Variants in UBE2D3 observed in about 807,000 individuals in gnomAD.
UBE2D3 encodes ubiquitin conjugating enzyme E2 D3.
A neutral mutation model predicts 22.8 loss-of-function variants in UBE2D3; 2 were observed. That is an observed-to-expected ratio of 0.09 (90% confidence interval 0.04 to 0.28). The LOEUF (loss-of-function observed/expected upper bound fraction) is 0.28, where lower values mean the gene tolerates loss of function less well. UBE2D3 is among the 10% of genes least tolerant of loss of function. The pLI, the probability that UBE2D3 is intolerant of heterozygous loss-of-function variation, is 1.00. For missense variants in UBE2D3, 27 were observed against 182.5 expected (o/e 0.15, Z 4.91); for synonymous variants, 56 against 60.4 (o/e 0.93, Z 0.34).
intron 4 of UBE2D3, among the ~76,000 whole-genome samples, chr4:102,806,240 A>G (rs1415263345): frequency 6.6e-6 from 1 of 152,154 alleles, no homozygotes; most frequent in Non-Finnish European, 1.5e-5. Flanking sequence ...TGCACATAAA[A>G]TATTATATGG....
intron 2 of UBE2D3, chr4:102,811,023 A>G (rs1727906986): frequency 6.6e-6 from 1 of 152,012 alleles, no homozygotes; most frequent in Admixed American, 6.6e-5. Context: ...ACACGGAAAT[A>G]ACACAGAAGG....
chr4:102,808,050 C>T lies in UBE2D3; in HGVS notation c.120+1622G>A, dbSNP rs553720367. ...ATCAAAGATGAGCTTTATTTTAAGG[C>T]ATTTTATAGCATTCTTTGAAAACTG... On this transcript the variant is annotated intron_variant, in intron 4 of 7. Transcript: ENST00000453744. 2.0e-4 allele frequency among the ~76,000 whole-genome samples: 31 copies of T among 152,276 alleles called. No homozygotes were observed. In the South Asian group the frequency reaches 6.4e-3, roughly 32 times the overall value.
chr4:102,864,591 C>T (rs920408215), intron 1 of UBE2D3, among the ~76,000 whole-genome samples: 4 of 152,168 alleles, frequency 2.6e-5, no homozygotes, highest in Admixed American at 6.5e-5. Flanking sequence ...TGTATCTAGT[C>T]ATAACCACTG....
chr4:102,827,352 G>A (rs1730730141), intron 1 of UBE2D3, 75 bp downstream of exon 1: 4 of 981,852 alleles, frequency 4.1e-6, no homozygotes, highest in African/African-American at 1.8e-5. Flanking sequence ...CCCAGGTCCC[G>A]CACTGCCCCT....
chr4:102,799,017 G>C (rs758334443), intron 7 of UBE2D3: 2 of 1,552,962 alleles, frequency 1.3e-6, no homozygotes, highest in East Asian at 4.5e-5. Context: ...TATAACATAT[G>C]AAAGTTATAA....
At chr4:102,801,313 G>T in intron 6 of UBE2D3, 141 bp downstream of exon 6, 2 of 689,172 alleles carry the variant, frequency 2.9e-6, no homozygotes, top group Non-Finnish European at 4.6e-6. Flanking sequence ...ACCACTAAAA[G>T]AACAAAAATT....
intron 1 of UBE2D3, among the ~76,000 whole-genome samples, chr4:102,845,346 G>C (rs904086567): frequency 1.3e-5 from 2 of 152,160 alleles, no homozygotes; most frequent in Admixed American, 1.3e-4. Flanking sequence ...GAAGTATCTG[G>C]GGAACTTGAA....
chr4:102,810,789 A>G (rs1360364977), intron 2 of UBE2D3: 2 of 152,186 alleles, frequency 1.3e-5, no homozygotes, highest in East Asian at 3.8e-4. Context: ...ATAGTTTATT[A>G]GAATATTTTT....
rs755817604 is a variant in UBE2D3, at chr4:102,797,474, T to C, written c.399-14A>G. 1.3e-6 allele frequency: 2 copies of C among 1,589,268 alleles called. No homozygotes were observed. The highest frequency in any genetic ancestry group is 1.7e-6 in the Non-Finnish European group (2 of 1,165,804). ...ATTCTGTTGTACCTGTAAATAAAGATGTTATTTTTAAAAGTTAAAATAAAG... is the reference window on the plus strand; with the variant it reads ...ATTCTGTTGTACCTGTAAATAAAGACGTTATTTTTAAAAGTTAAAATAAAG... On this transcript the variant is annotated splice_polypyrimidine_tract_variant and intron_variant, in intron 7 of 7. Transcript: ENST00000453744.
At chr4:102,800,627 T>C (rs1726008776) in intron 6 of UBE2D3, among the ~76,000 whole-genome samples, 1 of 152,060 alleles carries the variant, frequency 6.6e-6, no homozygotes, top group South Asian at 2.1e-4. Flanking sequence ...AACACTCGAA[T>C]TATGGCAGCA....
chr4:102,825,408 G>C, intron 2 of UBE2D3: 1 of 1,043,506 alleles, frequency 9.6e-7, no homozygotes, highest in Non-Finnish European at 1.2e-6. Flanking sequence ...GGTAAGTTTT[G>C]AGCAGAGGAT....
At chr4:102,862,406 T>G (rs1732940462) in intron 1 of UBE2D3, among the ~76,000 whole-genome samples, 1 of 152,034 alleles carries the variant, frequency 6.6e-6, no homozygotes, top group South Asian at 2.1e-4. Flanking sequence ...TAGTCCACTG[T>G]AAGTATCCTT....
intron 2 of UBE2D3, 27 bp from the exon 3 acceptor site, chr4:102,809,882 T>A (rs778104400): frequency 1.2e-6 from 2 of 1,603,242 alleles, no homozygotes; most frequent in African/African-American, 1.4e-5. Context: ...AATGGGTGAG[T>A]CACATAAGCT....
chr4:102,801,696 T>C (rs1254866693), intron 5 of UBE2D3, 137 bp from the exon 6 acceptor site: 6 of 701,958 alleles, frequency 8.5e-6, no homozygotes, highest in Non-Finnish European at 1.4e-5. Flanking sequence ...AAACTGATTT[T>C]TACAATCTGA....
chr4:102,839,927 TAAAAGTA>T (rs1417850317), intron 1 of UBE2D3, among the ~76,000 whole-genome samples: 1 of 152,092 alleles, frequency 6.6e-6, no homozygotes, highest in Non-Finnish European at 1.5e-5. Flanking sequence ...ACAAGGAACT[TAAAAGTA>T]AAACAAAAAT....
chr4:102,811,498 A>G, intron 2 of UBE2D3: 1 of 202,420 alleles, frequency 4.9e-6, no homozygotes, highest in South Asian at 6.2e-5. Flanking sequence ...TGCTGCTAAC[A>G]TGGTAAAACC....
At chr4:102,841,789 G>A (rs1644364471) in intron 1 of UBE2D3, among the ~76,000 whole-genome samples, 1 of 152,126 alleles carries the variant, frequency 6.6e-6, no homozygotes, top group African/African-American at 2.4e-5. Context: ...CCAGTCTTAT[G>A]ATTCTAATAT....
At chr4:102,864,540 T>C (rs1223858331) in intron 1 of UBE2D3, among the ~76,000 whole-genome samples, 1 of 152,224 alleles carries the variant, frequency 6.6e-6, no homozygotes, top group Non-Finnish European at 1.5e-5. Flanking sequence ...GTAAAGACGA[T>C]AATGATAATA....
At chr4:102,815,574 C>A (rs1389286641) in intron 2 of UBE2D3, among the ~76,000 whole-genome samples, 2 of 152,118 alleles carry the variant, frequency 1.3e-5, no homozygotes, top group African/African-American at 4.8e-5. Context: ...TTTCGGCACA[C>A]TGATATTTAT....
Sources: gnomAD v4.1 joint callset for allele counts (sites outside exome capture counted in the v4.1 genomes callset) on GRCh38, gnomAD v4.1.1 for gene constraint, MANE v1.5 for transcripts, NCBI Gene and HGNC (gene_info 2026-07-23, HGNC 2026-07-21) for gene names.